Variants in NBEA observed in about 807,000 individuals in gnomAD.
NBEA encodes the protein neurobeachin.
In NBEA, 44 loss-of-function variants were observed where a neutral mutation model predicts 343.4. That is an observed-to-expected ratio of 0.13 (90% CI 0.10 to 0.16). The LOEUF is 0.16. NBEA is among the 10% of genes least tolerant of loss of function. The pLI, the probability that NBEA is intolerant of heterozygous loss-of-function variation, is 1.00. For synonymous variants in NBEA, 1,175 were observed against 1,238.7 expected (o/e 0.95, Z 1.08); for missense variants, 2,555 against 3,631.3 (o/e 0.70, Z 7.62).
intron 38 of NBEA, among the ~76,000 whole-genome samples, chr13:35,422,848 T>C (rs969297478): frequency 2.0e-5 from 3 of 152,188 alleles, no homozygotes; most frequent in Non-Finnish European, 4.4e-5. Flanking sequence ...TTCTAACTGG[T>C]GTGAAATGGT....
intron 16 of NBEA, among the ~76,000 whole-genome samples, chr13:35,123,071 C>T (rs1476919948): frequency 6.6e-6 from 1 of 152,114 alleles, no homozygotes; most frequent in African/African-American, 2.4e-5. Flanking sequence ...GTGGTCGAAT[C>T]GTTTAAACTC....
chr13:35,124,219 A>G (rs1219729499), intron 17 of NBEA, among the ~76,000 whole-genome samples: 1 of 150,260 alleles, frequency 6.7e-6, no homozygotes, highest in South Asian at 2.1e-4. Flanking sequence ...ATGTTACTAG[A>G]TGAGGTTCCT....
Position 35,155,815 on chromosome 13 carries a change from A to T in NBEA, c.2487A>T (p.Pro829=). The T allele has an allele frequency of 6.2e-7, 1 of 1,612,858 alleles. No homozygotes were observed. The change falls in exon 19 of 59, where the codon CCA becomes CCT. Residue 829 remains proline (P), a synonymous_variant. Transcript: ENST00000379939. ...EQVCTQVVHK[P]HPEPDSTVKI... ...TATGTACTCAGGTCGTACACAAACC[A>T]CATCCAGAGCCAGATTCTACAGTGA...
At chr13:35,477,427 T>C (rs1315516439) in intron 41 of NBEA, among the ~76,000 whole-genome samples, 1 of 152,230 alleles carries the variant, frequency 6.6e-6, no homozygotes, top group Non-Finnish European at 1.5e-5. Flanking sequence ...CTTTGCACTT[T>C]GGTGGACTTG....
chr13:35,074,267 G>A (rs1426911970), intron 10 of NBEA, among the ~76,000 whole-genome samples: 1 of 152,070 alleles, frequency 6.6e-6, no homozygotes, highest in Non-Finnish European at 1.5e-5. Context: ...TATGTAGACT[G>A]AGTACATATT....
intron 38 of NBEA, among the ~76,000 whole-genome samples, chr13:35,369,306 A>C (rs371628671): frequency 2.0e-4 from 31 of 151,412 alleles, no homozygotes; most frequent in African/African-American, 7.5e-4. Context: ...TGCTCTTTTG[A>C]AGTTAGGTAG....
intron 13 of NBEA, among the ~76,000 whole-genome samples, chr13:35,115,435 C>G (rs1343804282): frequency 6.6e-6 from 1 of 151,966 alleles, no homozygotes; most frequent in Non-Finnish European, 1.5e-5. Flanking sequence ...GTGTTCACAC[C>G]TCTTTTCTAC....
At chr13:35,121,613 G>GA (rs1162026879) in intron 16 of NBEA, among the ~76,000 whole-genome samples, 100 of 147,624 alleles carry the variant, frequency 6.8e-4, no homozygotes, top group Admixed American at 2.2e-3. Context: ...TGTGGGATTT[G>GA]AAAAAAAAAT....
In NBEA at chr13:34,969,517, C is replaced by G. The variant is rs544794117; in HGVS notation, c.294+26403C>G. The stretch of plus-strand genomic sequence containing the variant: ...TTTATTTCATCACCTAGGTATTAGC[C>G]TAGTAGACATTAGTTATTCTTTTTG... On this transcript the variant is annotated intron_variant, in intron 1 of 58. Coordinates refer to ENST00000379939, the MANE Select transcript of NBEA (RefSeq NM_001385012.1). Among the ~76,000 whole-genome samples, 185 of 151,968 alleles carry G rather than the reference C, an allele frequency of 1.2e-3. 2 individuals carry two copies. Among genetic ancestry groups the G allele is most frequent in the African/African-American group, 4.4e-3 (181 of 41,464 alleles).
chr13:35,342,816 A>G (rs1357897645), intron 36 of NBEA, among the ~76,000 whole-genome samples: 1 of 151,984 alleles, frequency 6.6e-6, no homozygotes, highest in Non-Finnish European at 1.5e-5. Flanking sequence ...ATTAAAACTA[A>G]AGTTTCTATC....
intron 48 of NBEA, among the ~76,000 whole-genome samples, chr13:35,626,055 C>T (rs762583513): frequency 6.6e-6 from 1 of 152,070 alleles, no homozygotes; most frequent in African/African-American, 2.4e-5. Context: ...GTGTTTGTTA[C>T]CAGGGGAGTT....
intron 33 of NBEA, among the ~76,000 whole-genome samples, chr13:35,226,485 T>A (rs74048952): frequency 0.044 from 6,751 of 152,186 alleles, 178 homozygotes; most frequent in South Asian, 0.078. Flanking sequence ...AAATATTGTA[T>A]TTAGGAGCAT....
intron 12 of NBEA, 50 bp from the exon 13 acceptor site, chr13:35,110,760 C>T: frequency 6.7e-7 from 1 of 1,481,610 alleles, no homozygotes; most frequent in Non-Finnish European, 9.3e-7. Context: ...AATATGAGCA[C>T]TTGAGGCATT....
In NBEA at chr13:35,142,263, C is replaced by T; in HGVS notation, c.2337-6C>T. On this transcript the variant is annotated splice_region_variant and splice_polypyrimidine_tract_variant and intron_variant, in intron 17 of 58. Transcript: ENST00000379939. ...ATGGTGTTTTATTTTTCCTCCTTCTCTCCAGGAGAAAAGTTGAAATTATGC... is the reference window on the plus strand; with the variant it reads ...ATGGTGTTTTATTTTTCCTCCTTCTTTCCAGGAGAAAAGTTGAAATTATGC... 6.3e-7 allele frequency: 1 copy of T among 1,596,006 alleles called. No individual in the cohort carries two copies. Among genetic ancestry groups the T allele is most frequent in the Non-Finnish European group, 8.6e-7 (1 of 1,166,394 alleles).
chr13:35,001,002 A>C (rs1167994394), intron 1 of NBEA, among the ~76,000 whole-genome samples: 1 of 151,952 alleles, frequency 6.6e-6, no homozygotes, highest in Non-Finnish European at 1.5e-5. Context: ...AGGTCTTAGT[A>C]TGTTTCTGAG....
chr13:35,069,937 T>C lies in NBEA; in HGVS notation c.1269T>C (p.Asp423=). ...KSTFKFKSES[D]IHLAEHHKQV... Reference sequence around the variant, plus strand: ...CCTTCAAGTTTAAATCTGAGAGTGATATTCATTTGGCAGAACATCATAAAC... The same window carrying C: ...CCTTCAAGTTTAAATCTGAGAGTGACATTCATTTGGCAGAACATCATAAAC... Residue 423 remains aspartate (D), a synonymous_variant, in exon 9 of 59, where the codon GAT becomes GAC. Coordinates refer to ENST00000379939, the MANE Select transcript of NBEA (RefSeq NM_001385012.1). 6.3e-7 allele frequency: 1 copy of C among 1,587,520 alleles called. No individual in the cohort carries two copies. The highest frequency in any genetic ancestry group is 8.6e-7 in the Non-Finnish European group (1 of 1,166,762).
Position 35,230,487 on chromosome 13 carries a change from C to G in NBEA, c.5649-2005C>G, listed in dbSNP as rs1295195659. ...CTTATTAATCTTAAATAAAAATAAT[C>G]ATACTTCATTTATAATTGAGCATCA... On this transcript the variant is annotated intron_variant, in intron 33 of 58. Transcript: ENST00000379939. Among the ~76,000 whole-genome samples, 3 of 152,018 alleles carry G rather than the reference C, an allele frequency of 2.0e-5. No individual in the cohort carries two copies. The East Asian group carries it at 5.8e-4, about 29-fold the overall frequency.
chr13:35,146,792 G>A (rs2068455133), intron 18 of NBEA, among the ~76,000 whole-genome samples: 1 of 152,110 alleles, frequency 6.6e-6, no homozygotes, highest in Non-Finnish European at 1.5e-5. Context: ...TGTTTGCCAT[G>A]CTAGGTCCTT....
chr13:35,524,270 G>A (rs1351546100), intron 41 of NBEA, among the ~76,000 whole-genome samples: 2 of 152,186 alleles, frequency 1.3e-5, no homozygotes, highest in Admixed American at 6.5e-5. Context: ...CTCTCTTTTC[G>A]AGTATGTTTC....
Sources: allele counts gnomAD v4.1 joint callset (sites outside exome capture counted in the v4.1 genomes callset), GRCh38; gene constraint gnomAD v4.1.1; transcripts MANE v1.5; gene names NCBI Gene and HGNC (gene_info 2026-07-23, HGNC 2026-07-21).